The following GNA15 variants were observed in gnomAD, a reference collection of about 807,000 sequenced individuals.
GNA15 encodes guanine nucleotide-binding protein subunit alpha-15.
In GNA15, 23 loss-of-function variants were observed where a neutral mutation model predicts 40.1. That is an observed-to-expected ratio of 0.57 (90% confidence interval 0.41 to 0.81). GNA15 has a LOEUF of 0.81. Ranked by LOEUF, GNA15 falls within the 40% of genes least tolerant of loss-of-function variation. The pLI is 0.00. For synonymous variants in GNA15, 226 were observed against 210.4 expected (o/e 1.07, Z -0.64); for missense variants, 522 against 515.8 (o/e 1.01, Z -0.12).
intron 2 of GNA15, chr19:3,149,471 T>G (rs1327121720): frequency 6.4e-6 from 1 of 155,524 alleles, no homozygotes; most frequent in African/African-American, 2.4e-5. Context: ...CACCCACAAA[T>G]GCAGCCAAGG....
chr19:3,147,813 G>A (rs549407819), intron 1 of GNA15, among the ~76,000 whole-genome samples: 6 of 150,084 alleles, frequency 4.0e-5, no homozygotes, highest in South Asian at 2.1e-4. Context: ...GTGTGAACCC[G>A]GGAGACGGAG....
At chr19:3,152,713 C>T (rs1410014473) in intron 4 of GNA15, among the ~76,000 whole-genome samples, 6 of 152,100 alleles carry the variant, frequency 3.9e-5, no homozygotes, top group Non-Finnish European at 8.8e-5. Flanking sequence ...GGGCTGATGG[C>T]GGGGAGCTGA....
At chr19:3,145,359 A>ATATATATATATATATATATATATT in intron 1 of GNA15, among the ~76,000 whole-genome samples, 9 of 46,958 alleles carry the variant, frequency 1.9e-4, no homozygotes, top group African/African-American at 3.7e-4. Context: ...ATATATATAT[A>ATATATATATATATATATATATATT]TTTTTTTTTT....
chr19:3,136,656 G>C lies in GNA15; in HGVS notation c.145+61G>C. 1 of 1,471,266 alleles carries C rather than the reference G, an allele frequency of 6.8e-7. No homozygotes were observed. Among genetic ancestry groups the C allele is most frequent in the Non-Finnish European group, 9.3e-7 (1 of 1,080,930 alleles). The allele number at this position is 1,471,266 out of a possible 1,614,324, so 91.1% of individuals were successfully genotyped here. On this transcript the variant is annotated intron_variant, in intron 1 of 6. Coordinates refer to ENST00000262958, the MANE Select transcript of GNA15 (RefSeq NM_002068.4). The surrounding 1 kb of genome is among the most constrained non-coding windows in gnomAD (Gnocchi z 4.9). ...AGTGGGCGGTGGCCAGCCGGCAGGGGTGTCGGGGCAAGGAGGCGGATCAGG... is the reference window on the plus strand; with the variant it reads ...AGTGGGCGGTGGCCAGCCGGCAGGGCTGTCGGGGCAAGGAGGCGGATCAGG...
chr19:3,148,529 T>G, intron 1 of GNA15, 62 bp from the exon 2 acceptor site: 3 of 1,457,204 alleles, frequency 2.1e-6, no homozygotes, highest in South Asian at 1.3e-5. Context: ...TGACGTGGGG[T>G]TGGGGGTGTC....
intron 4 of GNA15, among the ~76,000 whole-genome samples, chr19:3,153,028 C>T (rs1049588383): frequency 1.4e-4 from 22 of 151,954 alleles, no homozygotes; most frequent in African/African-American, 5.1e-4. Flanking sequence ...TCCCCTTCCA[C>T]GCTGTGGAAG....
At position 3,153,257 on chromosome 19, in the gene GNA15, T is replaced by TA. The variant is rs3216349; in HGVS notation, c.614+1437dup. Among the ~76,000 whole-genome samples the TA allele has an allele frequency of 1.8e-3, 261 of 141,340 alleles. 2 individuals carry two copies. Among genetic ancestry groups the TA allele is most frequent in the African/African-American group, 3.9e-3 (147 of 37,742 alleles). 92.7% of individuals were successfully genotyped at this position (141,340 alleles called of 152,430 possible). On this transcript the variant is annotated intron_variant, in intron 4 of 6. Transcript: ENST00000262958. Reference sequence around the variant, plus strand: ...GAGAGATACTTGGTCTGGGAATCTTTAAAAAAAAAAAAAAAGGAAAGATGG... The same window carrying TA: ...GAGAGATACTTGGTCTGGGAATCTTTAAAAAAAAAAAAAAAAGGAAAGATGG...
At chr19:3,160,011 C>T (rs542046003) in intron 6 of GNA15, among the ~76,000 whole-genome samples, 22 of 152,172 alleles carry the variant, frequency 1.4e-4, no homozygotes, top group Non-Finnish European at 2.9e-4. Flanking sequence ...AGTGTGGTGG[C>T]GGGTGTCCTG....
At chr19:3,162,241 A>G (rs1915155044) in intron 6 of GNA15, among the ~76,000 whole-genome samples, 1 of 151,750 alleles carries the variant, frequency 6.6e-6, no homozygotes, top group African/African-American at 2.4e-5. Context: ...GGAGTTCGAG[A>G]CCAGCCTGGC....
In GNA15 at chr19:3,155,904, G is replaced by A. The variant is rs2074865; in HGVS notation, c.696G>A (p.Leu232=). ...AGAACGTGATCGCCCTCATCTACCTGGCCTCACTGAGTGAATACGACCAGT... is the reference window on the plus strand; with the variant it reads ...AGAACGTGATCGCCCTCATCTACCTAGCCTCACTGAGTGAATACGACCAGT... ...CFENVIALIY[L]ASLSEYDQCL... is the part of the protein sequence containing the mutation. The change falls in exon 5 of 7, where the codon CTG becomes CTA. Residue 232 remains leucine, a synonymous_variant. Coordinates refer to ENST00000262958, the MANE Select transcript of GNA15 (RefSeq NM_002068.4). The surrounding 1 kb of genome is among the most constrained non-coding windows in gnomAD (Gnocchi z 5.6). The A allele has an allele frequency of 0.15, 246,163 of 1,613,076 alleles. 29,909 individuals are homozygous for A. The highest frequency in any genetic ancestry group is 0.59 in the East Asian group (26,437 of 44,830).
chr19:3,151,669 G>A lies in GNA15; in HGVS notation c.486-38G>A. On this transcript the variant is annotated intron_variant, in intron 3 of 6. Coordinates refer to ENST00000262958, the MANE Select transcript of GNA15 (RefSeq NM_002068.4). The surrounding 1 kb of genome is among the most constrained non-coding windows in gnomAD (Gnocchi z 5.0). ...AGGGCCTGGGAAGCAAAGGGAGGCT[G>A]GCTGCAAGGCTGGGCCTCAGGACTC... is the stretch of plus-strand genomic sequence containing the variant. The A allele has an allele frequency of 1.3e-6, 2 of 1,526,570 alleles. No homozygotes were observed. Among genetic ancestry groups the A allele is most frequent in the African/African-American group, 1.4e-5 (1 of 71,986 alleles). 94.6% of individuals were successfully genotyped at this position (1,526,570 alleles called of 1,614,324 possible).
chr19:3,151,605 G>A lies in GNA15; in HGVS notation c.486-102G>A. On this transcript the variant is annotated intron_variant, in intron 3 of 6. Coordinates refer to ENST00000262958, the MANE Select transcript of GNA15 (RefSeq NM_002068.4). The surrounding 1 kb of genome is among the most constrained non-coding windows in gnomAD (Gnocchi z 5.0). ...CAGGGACCCCACCTCCACCCAGGGA[G>A]CTCTCCTCCCCCAGCAGGGTCCTTG... is the stretch of plus-strand genomic sequence containing the variant. The A allele has an allele frequency of 2.2e-6, 3 of 1,362,168 alleles. No individual in the cohort carries two copies. The highest frequency in any genetic ancestry group is 2.0e-6 in the Non-Finnish European group (2 of 1,021,068). 84.4% of individuals were successfully genotyped at this position (1,362,168 alleles called of 1,614,324 possible).
chr19:3,141,735 C>G (rs893052096), intron 1 of GNA15: 1 of 152,526 alleles, frequency 6.6e-6, no homozygotes, highest in African/African-American at 2.4e-5. Context: ...CTAGTTTCCC[C>G]CAAAGGATAA....
At chr19:3,149,525 C>T (rs1914826954) in intron 2 of GNA15, 1 of 156,368 alleles carries the variant, frequency 6.4e-6, no homozygotes, top group South Asian at 1.9e-4. Context: ...ACAAATCACA[C>T]ACCCAGACAC....
chr19:3,161,820 G>A (rs1915143003), intron 6 of GNA15, among the ~76,000 whole-genome samples: 1 of 151,994 alleles, frequency 6.6e-6, no homozygotes, highest in Admixed American at 6.6e-5. Flanking sequence ...ATCGCTTTAG[G>A]TCAGGAGTTT....
intron 6 of GNA15, among the ~76,000 whole-genome samples, chr19:3,160,035 G>A (rs1299598745): frequency 2.0e-5 from 3 of 152,194 alleles, no homozygotes; most frequent in Non-Finnish European, 2.9e-5. Context: ...AGCTACTGCC[G>A]AGTAACAAAC....
In GNA15 at chr19:3,137,017, C is replaced by T. The variant is rs970817047; in HGVS notation, c.145+422C>T. 3.3e-5 allele frequency among the ~76,000 whole-genome samples: 5 copies of T among 152,226 alleles called. No individual in the cohort carries two copies. The South Asian group carries it at 6.2e-4, about 19-fold the overall frequency. ...TCTCCTTCACCAGGACGCTCCCTCTCGCCTTTACCTCCCTGCCATGGCTGG... is the reference window on the plus strand; with the variant it reads ...TCTCCTTCACCAGGACGCTCCCTCTTGCCTTTACCTCCCTGCCATGGCTGG... On this transcript the variant is annotated intron_variant, in intron 1 of 6. Coordinates refer to ENST00000262958, the MANE Select transcript of GNA15 (RefSeq NM_002068.4).
At chr19:3,149,985 C>T in intron 2 of GNA15, 146 bp from the exon 3 acceptor site, 2 of 641,438 alleles carry the variant, frequency 3.1e-6, no homozygotes, top group East Asian at 2.9e-5. Context: ...CAGAAGTGTG[C>T]GGGGGGGTCG....
intron 5 of GNA15, among the ~76,000 whole-genome samples, chr19:3,156,362 A>G (rs1915021458): frequency 6.6e-6 from 1 of 151,784 alleles, no homozygotes; most frequent in Admixed American, 6.6e-5. Context: ...ACACACATGC[A>G]CACTTGCATG....
Sources: allele counts gnomAD v4.1 joint callset (sites outside exome capture counted in the v4.1 genomes callset), GRCh38; gene constraint gnomAD v4.1.1; non-coding constraint Gnocchi (gnomAD v3.1); transcripts MANE v1.5; gene names NCBI Gene and HGNC (gene_info 2026-07-23, HGNC 2026-07-21).